Variants in GOLM1 observed in about 807,000 individuals in gnomAD.
GOLM1 encodes the protein golgi membrane protein 1, also known as epididymis luminal protein 46.
GOLM1 carries 31 observed loss-of-function variants against 50.5 expected under a neutral mutation model. The observed-to-expected ratio is 0.61, with a 90% CI of 0.46 to 0.83. GOLM1 has a LOEUF of 0.83. Among genes scored for constraint, GOLM1 ranks in the 40% least tolerant of loss-of-function variants. The pLI, the probability that GOLM1 is intolerant of heterozygous loss-of-function variation, is 0.00. For missense variants in GOLM1, 491 were observed against 501.3 expected (o/e 0.98, Z 0.20); for synonymous variants, 178 against 192.8 (o/e 0.92, Z 0.64).
Position 86,036,509 on chromosome 9 carries a change from T to C in GOLM1, c.598-2A>G. 1 of 1,613,620 alleles carries C rather than the reference T, an allele frequency of 6.2e-7. No homozygotes were observed. On this transcript the variant is annotated splice_acceptor_variant, in intron 6 of 9. Transcript: ENST00000388712. LOFTEE classifies it high-confidence loss of function. ...CTGAGGCTCACTGAGGGCTTGGAGC[T>C]GAAACAGAAGCACAGGACAGCCAGC...
chr9:86,070,845 C>T (rs768957460), intron 3 of GOLM1, among the ~76,000 whole-genome samples: 7 of 152,098 alleles, frequency 4.6e-5, no homozygotes, highest in African/African-American at 9.7e-5. Flanking sequence ...ATATTACACA[C>T]AGAAATGTAG....
intron 3 of GOLM1, among the ~76,000 whole-genome samples, chr9:86,065,472 T>C (rs747339166): frequency 6.6e-6 from 1 of 152,142 alleles, no homozygotes; most frequent in Non-Finnish European, 1.5e-5. Context: ...ATCGCTTTGG[T>C]TCCCCCAGAA....
At chr9:86,093,751 AT>A (rs1835261173) in intron 1 of GOLM1, among the ~76,000 whole-genome samples, 1 of 152,230 alleles carries the variant, frequency 6.6e-6, no homozygotes, top group Non-Finnish European at 1.5e-5. Context: ...GCATATGAAA[AT>A]GGACAACATG....
At chr9:86,061,996 G>A (rs1587720226) in intron 3 of GOLM1, among the ~76,000 whole-genome samples, 1 of 152,108 alleles carries the variant, frequency 6.6e-6, no homozygotes, top group Non-Finnish European at 1.5e-5. Context: ...GAAGGGCGTC[G>A]GGAGATTAAG....
At position 86,030,986 on chromosome 9, in the gene GOLM1, C is replaced by T. The variant is rs368778331; in HGVS notation, c.1129+2296G>A. Among the ~76,000 whole-genome samples, 251 of 152,260 alleles carry T rather than the reference C, an allele frequency of 1.6e-3. 1 individual carries two copies. Among genetic ancestry groups the T allele is most frequent in the African/African-American group, 3.9e-3 (161 of 41,566 alleles). On this transcript the variant is annotated intron_variant, in intron 9 of 9. Transcript: ENST00000388712. Reference sequence around the variant, plus strand: ...CAGCACTTTGGGAGGCCAAGGCAGGCGGATCATGAGGTCAGGAGATGGAGA... The same window carrying T: ...CAGCACTTTGGGAGGCCAAGGCAGGTGGATCATGAGGTCAGGAGATGGAGA...
chr9:86,096,050 G>A (rs942452500), intron 1 of GOLM1, among the ~76,000 whole-genome samples: 10 of 152,122 alleles, frequency 6.6e-5, no homozygotes, highest in Non-Finnish European at 1.5e-4. Context: ...CATTGAAGTA[G>A]GCTTACTACT....
At chr9:86,048,893 G>C (rs924088464) in intron 4 of GOLM1, among the ~76,000 whole-genome samples, 2 of 152,130 alleles carry the variant, frequency 1.3e-5, no homozygotes, top group African/African-American at 4.8e-5. Flanking sequence ...GATCCCATTT[G>C]CCTATTTTGG....
intron 3 of GOLM1, among the ~76,000 whole-genome samples, chr9:86,073,905 TCAGA>T (rs1324194799): frequency 2.0e-5 from 3 of 152,218 alleles, no homozygotes; most frequent in Non-Finnish European, 4.4e-5. Flanking sequence ...GAAAATTCTA[TCAGA>T]CAGGGCCTAC....
chr9:86,096,908 T>C (rs1205822026), intron 1 of GOLM1, among the ~76,000 whole-genome samples: 1 of 152,156 alleles, frequency 6.6e-6, no homozygotes, highest in African/African-American at 2.4e-5. Flanking sequence ...CAAATTACAA[T>C]ATAAACAACT....
At chr9:86,099,774 C>G (rs1006143978), upstream of GOLM1, among the ~76,000 whole-genome samples, 16 of 152,164 alleles carry the variant, frequency 1.1e-4, no homozygotes, top group Admixed American at 9.8e-4. Context: ...CCCCTTCCCC[C>G]GGGCCACCCC....
At chr9:86,084,040 T>G (rs1157011384) in intron 1 of GOLM1, among the ~76,000 whole-genome samples, 1 of 152,172 alleles carries the variant, frequency 6.6e-6, no homozygotes, top group East Asian at 1.9e-4. Context: ...CAATGTTATC[T>G]GAATTCTGAA....
At chr9:86,071,664 C>T (rs1834451820) in intron 3 of GOLM1, among the ~76,000 whole-genome samples, 1 of 151,456 alleles carries the variant, frequency 6.6e-6, no homozygotes, top group Non-Finnish European at 1.5e-5. Flanking sequence ...CAGAGTGAGA[C>T]TCTGTCTCAA....
intron 8 of GOLM1, chr9:86,034,957 C>T (rs1587695365): frequency 2.2e-5 from 21 of 960,518 alleles, no homozygotes; most frequent in East Asian, 1.2e-4. Flanking sequence ...CTTCATCTAC[C>T]CAATATTCCT....
At position 86,027,908 on chromosome 9, in the gene GOLM1, C is replaced by T. The variant is rs1832835288; in HGVS notation, c.1130-15G>A. The T allele has an allele frequency of 6.9e-7, 1 of 1,445,710 alleles. No individual in the cohort carries two copies. The highest frequency in any genetic ancestry group is 9.7e-7 in the Non-Finnish European group (1 of 1,027,888). 89.6% of individuals were successfully genotyped at this position (1,445,710 alleles called of 1,614,324 possible). ...AACATTAAAAACTAAAAAGGAAAAA[C>T]ACATAATATTCTATAGAGTATTAAA... On this transcript the variant is annotated splice_polypyrimidine_tract_variant and intron_variant, in intron 9 of 9. Transcript: ENST00000388712.
At chr9:86,096,075 G>A (rs1007822928) in intron 1 of GOLM1, among the ~76,000 whole-genome samples, 7 of 152,044 alleles carry the variant, frequency 4.6e-5, no homozygotes, top group Non-Finnish European at 8.8e-5. Context: ...CCATGTTCTA[G>A]GATGCAGTGA....
intron 3 of GOLM1, among the ~76,000 whole-genome samples, chr9:86,070,137 C>A (rs1470145952): frequency 6.6e-6 from 1 of 152,072 alleles, no homozygotes; most frequent in African/African-American, 2.4e-5. Flanking sequence ...CCTGCCTCAG[C>A]CTCCCAAAGT....
rs949041984 is a variant in GOLM1, at chr9:86,099,533, TCCGCGTCCAGCGCCG to T, written c.-159_-145del. Reference sequence around the variant, plus strand: ...GGCTCCGCGCCGTGCGCCCAGCGCCTCCGCGTCCAGCGCCGCCGCGTCTCCGGCCTCCGCAGCGGC... The same window carrying T: ...GGCTCCGCGCCGTGCGCCCAGCGCCTCCGCGTCTCCGGCCTCCGCAGCGGC... On this transcript the variant is annotated 5_prime_UTR_variant, in exon 1 of 10. Coordinates refer to ENST00000388712, the MANE Select transcript of GOLM1 (RefSeq NM_016548.4). The T allele has an allele frequency of 4.1e-5, 6 of 147,378 alleles. No homozygotes were observed. The highest frequency in any genetic ancestry group is 2.1e-4 in the South Asian group (1 of 4,676). The allele number at this position is 147,378 out of a possible 1,614,324, so 9.1% of individuals were successfully genotyped here.
At chr9:86,040,258 A>C (rs1457212302) in intron 6 of GOLM1, among the ~76,000 whole-genome samples, 2 of 152,178 alleles carry the variant, frequency 1.3e-5, no homozygotes, top group Non-Finnish European at 2.9e-5. Context: ...TATCTTAATA[A>C]AGCTGCTATA....
At chr9:86,048,972 T>C (rs933042513) in intron 4 of GOLM1, among the ~76,000 whole-genome samples, 8 of 152,236 alleles carry the variant, frequency 5.3e-5, no homozygotes, top group African/African-American at 1.7e-4. Context: ...CTGAATGGTA[T>C]TGCCTAAGTT....
Sources: allele counts gnomAD v4.1 joint callset (sites outside exome capture counted in the v4.1 genomes callset), GRCh38; gene constraint gnomAD v4.1.1; transcripts MANE v1.5; gene names NCBI Gene and HGNC (gene_info 2026-07-23, HGNC 2026-07-21).